Variants in TRHDE observed in about 807,000 individuals in gnomAD.
TRHDE encodes thyrotropin-releasing hormone-degrading ectoenzyme.
TRHDE carries 72 observed loss-of-function variants against 125.7 expected under a neutral mutation model. The ratio of observed to expected loss-of-function variants is 0.57; its 90% CI spans 0.47 to 0.70. The LOEUF (loss-of-function observed/expected upper bound fraction) is 0.70, where lower values mean the gene tolerates loss of function less well. Ranked by LOEUF, TRHDE falls within the 30% of genes least tolerant of loss-of-function variation. TRHDE has a pLI of 0.00. For synonymous variants in TRHDE, 509 were observed against 509.1 expected (o/e 1.00, Z 0.00); for missense variants, 1,110 against 1,327.1 (o/e 0.84, Z 2.54).
At chr12:72,426,229 TTC>T (rs1041137650) in intron 3 of TRHDE, among the ~76,000 whole-genome samples, 17 of 152,258 alleles carry the variant, frequency 1.1e-4, no homozygotes, top group African/African-American at 4.1e-4. Flanking sequence ...CATACATATT[TTC>T]TCTCTGTTGA....
intron 12 of TRHDE, among the ~76,000 whole-genome samples, chr12:72,581,822 A>G (rs1020855155): frequency 2.0e-5 from 3 of 151,988 alleles, no homozygotes; most frequent in Non-Finnish European, 4.4e-5. Flanking sequence ...TGCTGTAGGC[A>G]CCGGGCGCAG....
At chr12:72,263,536 C>G (rs1879000190) in intron 2 of TRHDE, 1 of 151,976 alleles carries the variant, frequency 6.6e-6, no homozygotes, top group Non-Finnish European at 1.5e-5. Flanking sequence ...TTAATTTGCT[C>G]CTATACCGAA....
At chr12:72,094,574 G>C (rs1874867890) in intron 1 of TRHDE, among the ~76,000 whole-genome samples, 1 of 152,348 alleles carries the variant, frequency 6.6e-6, no homozygotes, top group Middle Eastern at 3.4e-3. Flanking sequence ...AGGCAGGATT[G>C]GTCTCAGACT....
chr12:72,128,027 C>G (rs1245303621), intron 2 of TRHDE, among the ~76,000 whole-genome samples: 1 of 151,944 alleles, frequency 6.6e-6, no homozygotes, highest in Non-Finnish European at 1.5e-5. Flanking sequence ...AAAAACAGAA[C>G]CCTGGAAATG....
intron 6 of TRHDE, among the ~76,000 whole-genome samples, chr12:72,541,922 A>T (rs918074215): frequency 6.6e-6 from 1 of 151,428 alleles, no homozygotes; most frequent in Non-Finnish European, 1.5e-5. Context: ...ATTTATTAAC[A>T]TGGGTATCCT....
intron 6 of TRHDE, among the ~76,000 whole-genome samples, chr12:72,523,437 G>C (rs182007307): frequency 6.6e-6 from 1 of 152,258 alleles, no homozygotes; most frequent in Admixed American, 6.5e-5. Context: ...AACTGGACCT[G>C]TGATGTGGAT....
intron 2 of TRHDE, among the ~76,000 whole-genome samples, chr12:72,142,106 A>T (rs1363782918): frequency 1.3e-5 from 2 of 151,990 alleles, no homozygotes; most frequent in African/African-American, 4.8e-5. Context: ...TCAGATGGGC[A>T]TGCATACAAT....
At chr12:72,522,807 C>T (rs1183755353) in intron 6 of TRHDE, among the ~76,000 whole-genome samples, 1 of 152,116 alleles carries the variant, frequency 6.6e-6, no homozygotes, top group Middle Eastern at 3.2e-3. Context: ...AATTTAGGAA[C>T]ATGCAGAGCA....
At chr12:72,470,112 T>C (rs1876571246) in intron 4 of TRHDE, among the ~76,000 whole-genome samples, 200 bp downstream of exon 4, 1 of 152,222 alleles carries the variant, frequency 6.6e-6, no homozygotes, top group Admixed American at 6.5e-5. Context: ...TCGTATTGAG[T>C]AAGCAACTGT....
intron 12 of TRHDE, among the ~76,000 whole-genome samples, chr12:72,584,627 C>T (rs1472293963): frequency 6.6e-6 from 1 of 152,124 alleles, no homozygotes; most frequent in African/African-American, 2.4e-5. Context: ...TTTTTAGATT[C>T]CACATATAAG....
At chr12:72,144,128 T>A (rs945432594) in intron 2 of TRHDE, among the ~76,000 whole-genome samples, 2 of 152,190 alleles carry the variant, frequency 1.3e-5, no homozygotes, top group Non-Finnish European at 2.9e-5. Context: ...GTTTCTGGAA[T>A]GATAGCTCAA....
chr12:72,624,675 A>C (rs1873187073), intron 15 of TRHDE, among the ~76,000 whole-genome samples: 1 of 151,920 alleles, frequency 6.6e-6, no homozygotes, highest in South Asian at 2.1e-4. Context: ...AAATTGATTG[A>C]GTTGACATTC....
chr12:72,592,312 A>G (rs533762940), intron 12 of TRHDE, among the ~76,000 whole-genome samples: 1 of 152,150 alleles, frequency 6.6e-6, no homozygotes, highest in African/African-American at 2.4e-5. Flanking sequence ...ATATGTTTCT[A>G]TATTTCTTCT....
At chr12:72,498,830 AT>A (rs1288965168) in intron 5 of TRHDE, among the ~76,000 whole-genome samples, 1 of 152,216 alleles carries the variant, frequency 6.6e-6, no homozygotes, top group Non-Finnish European at 1.5e-5. Context: ...GCAATGGATT[AT>A]TAATACCTAT....
intron 3 of TRHDE, among the ~76,000 whole-genome samples, chr12:72,450,870 T>C (rs1357511251): frequency 6.6e-6 from 1 of 152,154 alleles, no homozygotes; most frequent in Non-Finnish European, 1.5e-5. Context: ...CTCATTGTGG[T>C]TCTCATTTGT....
chr12:72,096,521 A>C (rs1592438582), intron 1 of TRHDE, among the ~76,000 whole-genome samples: 1 of 152,306 alleles, frequency 6.6e-6, no homozygotes, highest in South Asian at 2.1e-4. Flanking sequence ...ATCACTTTTT[A>C]GCTCAGATGC....
intron 1 of TRHDE, among the ~76,000 whole-genome samples, chr12:72,100,983 G>C (rs549228491): frequency 6.6e-6 from 1 of 152,316 alleles, no homozygotes; most frequent in Admixed American, 6.5e-5. Flanking sequence ...TGCATGCGAT[G>C]TACCCAAATT....
intron 2 of TRHDE, among the ~76,000 whole-genome samples, chr12:72,210,225 C>T (rs928500165): frequency 6.9e-6 from 1 of 145,520 alleles, no homozygotes; most frequent in African/African-American, 2.6e-5. Context: ...GATAAAGTAG[C>T]ATATCTATCT....
intron 2 of TRHDE, among the ~76,000 whole-genome samples, chr12:72,224,091 C>CATCCATCTATCTATCTATCT (rs1878057546): frequency 2.0e-5 from 1 of 50,252 alleles, no homozygotes; most frequent in Non-Finnish European, 4.2e-5. Flanking sequence ...TCTATCTATC[C>CATCCATCTATCTATCTATCT]ATCTATCTAT....
Sources: allele counts gnomAD v4.1 joint callset (sites outside exome capture counted in the v4.1 genomes callset), GRCh38; gene constraint gnomAD v4.1.1; transcripts MANE v1.5; gene names NCBI Gene and HGNC (gene_info 2026-07-23, HGNC 2026-07-21).